Variants in NRIP3 observed in about 807,000 individuals in gnomAD.
NRIP3 encodes the protein nuclear receptor-interacting protein 3.
In NRIP3, 31 loss-of-function variants were observed where a neutral mutation model predicts 29.0. The ratio of observed to expected loss-of-function variants is 1.07; its 90% CI spans 0.80 to 1.44. The LOEUF is 1.44. Ranked by LOEUF, NRIP3 falls within the 40% of genes most tolerant of loss-of-function variation. The probability of loss-of-function intolerance (pLI) is 0.00; values close to 1 mark genes in which losing one functional copy is unlikely to be tolerated. For synonymous variants in NRIP3, 131 were observed against 118.3 expected (o/e 1.11, Z -0.70); for missense variants, 314 against 297.9 (o/e 1.05, Z -0.40).
Position 8,983,534 on chromosome 11 carries a change from G to A in NRIP3, c.*11C>T, listed in dbSNP as rs1430025869. The A allele has an allele frequency of 7.4e-6, 12 of 1,613,256 alleles. No individual in the cohort carries two copies. The highest frequency in any genetic ancestry group is 1.7e-5 in the Admixed American group (1 of 59,962). On this transcript the variant is annotated 3_prime_UTR_variant, in exon 7 of 7. Coordinates refer to ENST00000309166, the MANE Select transcript of NRIP3 (RefSeq NM_020645.3). The stretch of plus-strand genomic sequence containing the variant: ...ATGCATGCACACGTGCAGACATGCT[G>A]CAGGCTGTAGTTATGCTTCTGAAGT...
rs538945900 is a variant in NRIP3 at position 8,993,652 on chromosome 11, T to C, written c.175-5370A>G. On this transcript the variant is annotated intron_variant, in intron 1 of 6. Coordinates refer to ENST00000309166, the MANE Select transcript of NRIP3 (RefSeq NM_020645.3). ...GGTGAAATTCTGCCTCTACAAAAAATACAAAAATTAGCCAGGCATGGTAGT... is the reference window on the plus strand; with the variant it reads ...GGTGAAATTCTGCCTCTACAAAAAACACAAAAATTAGCCAGGCATGGTAGT... Among the ~76,000 whole-genome samples the C allele has an allele frequency of 5.9e-5, 9 of 151,624 alleles. No homozygotes were observed. The South Asian group carries it at 1.9e-3, about 32-fold the overall frequency.
Position 8,980,949 on chromosome 11 carries a change from A to G in NRIP3, c.*2596T>C, listed in dbSNP as rs563694407. 4 of 152,376 alleles carry G rather than the reference A, an allele frequency of 2.6e-5. No homozygotes were observed. The highest frequency in any genetic ancestry group is 4.4e-5 in the Non-Finnish European group (3 of 68,046). 9.4% of individuals were successfully genotyped at this position (152,376 alleles called of 1,614,324 possible). A position where few individuals can be genotyped will look rare whatever the true frequency, so the allele number is the denominator to read the frequency against. ...CTCTGTTATTTGAGATAGACATCTAATAAGGAATGAGACAGGTCTGGTGCT... is the reference window on the plus strand; with the variant it reads ...CTCTGTTATTTGAGATAGACATCTAGTAAGGAATGAGACAGGTCTGGTGCT... On this transcript the variant is annotated 3_prime_UTR_variant, in exon 7 of 7. Transcript: ENST00000309166.
chr11:8,991,113 AAC>A (rs1477326434), intron 1 of NRIP3, among the ~76,000 whole-genome samples: 1 of 152,154 alleles, frequency 6.6e-6, no homozygotes, highest in African/African-American at 2.4e-5. Context: ...CATTCTGGCT[AAC>A]ACAGTGAAAC....
intron 4 of NRIP3, 57 bp downstream of exon 4, chr11:8,985,654 G>T (rs1336222474): frequency 1.8e-5 from 29 of 1,575,242 alleles, no homozygotes; most frequent in Non-Finnish European, 2.3e-5. Flanking sequence ...GGTTTTGTTG[G>T]GGGTAGGGAG....
At chr11:8,996,336 C>T (rs1411437308) in intron 1 of NRIP3, among the ~76,000 whole-genome samples, 1 of 118,680 alleles carries the variant, frequency 8.4e-6, no homozygotes, top group East Asian at 3.0e-4. Flanking sequence ...GGCTGGAGTG[C>T]AGTGGCGCAA....
At position 8,988,300 on chromosome 11, in the gene NRIP3, A is replaced by C. The variant is rs1854549824; in HGVS notation, c.175-18T>G. On this transcript the variant is annotated intron_variant, in intron 1 of 6. Transcript: ENST00000309166. Reference sequence around the variant, plus strand: ...TGAGGTTGCTTGAGGGATAGAAAGCAGAGACTTCTTAGTGACAGGCCACAT... The same window carrying C: ...TGAGGTTGCTTGAGGGATAGAAAGCCGAGACTTCTTAGTGACAGGCCACAT... The C allele has an allele frequency of 6.2e-7, 1 of 1,609,228 alleles. No individual in the cohort carries two copies. The highest frequency in any genetic ancestry group is 1.1e-5 in the South Asian group (1 of 90,710).
intron 1 of NRIP3, among the ~76,000 whole-genome samples, chr11:9,001,461 C>T (rs1854795346): frequency 6.6e-6 from 1 of 152,136 alleles, no homozygotes; most frequent in Non-Finnish European, 1.5e-5. Flanking sequence ...AAGTCAATAA[C>T]AACTAATTTC....
intron 2 of NRIP3, 75 bp downstream of exon 2, chr11:8,988,043 C>G (rs1854543909): frequency 2.8e-6 from 4 of 1,426,846 alleles, no homozygotes; most frequent in Admixed American, 1.8e-5. Context: ...GACCCACACT[C>G]TATAAAGTCA....
chr11:8,990,220 C>A (rs541900775), intron 1 of NRIP3, among the ~76,000 whole-genome samples: 1 of 152,300 alleles, frequency 6.6e-6, no homozygotes, highest in Non-Finnish European at 1.5e-5. Context: ...TTTAATCACC[C>A]TCCTTATCTG....
chr11:8,996,275 CTTTTT>C (rs386373056), intron 1 of NRIP3, among the ~76,000 whole-genome samples: 158 of 82,954 alleles, frequency 1.9e-3, no homozygotes, highest in Non-Finnish European at 1.7e-3. Flanking sequence ...CCTTTTTTTC[CTTTTT>C]TTTTTTTTTT....
Position 9,003,904 on chromosome 11 carries a change from C to T in NRIP3, c.32G>A (p.Gly11Asp). Residue 11 changes from glycine (G) to aspartate (D), a missense_variant, in exon 1 of 7, where the codon GGC becomes GAC. Coordinates refer to ENST00000309166, the MANE Select transcript of NRIP3 (RefSeq NM_020645.3). MFYSGLLTEG[G>D]RKETDMREAA... ...CTCCCGCATGTCGGTCTCCTTGCGGCCGCCCTCAGTGAGGAGCCCTGAGTA... is the reference window on the plus strand; with the variant it reads ...CTCCCGCATGTCGGTCTCCTTGCGGTCGCCCTCAGTGAGGAGCCCTGAGTA... 3 of 1,521,144 alleles carry T rather than the reference C, an allele frequency of 2.0e-6. No individual in the cohort carries two copies. The East Asian group carries it at 8.2e-5, about 42-fold the overall frequency. The allele number at this position is 1,521,144 out of a possible 1,614,324, so 94.2% of individuals were successfully genotyped here. A position where few individuals can be genotyped will look rare whatever the true frequency, so the allele number is the denominator to read the frequency against.
intron 6 of NRIP3, 103 bp from the exon 7 acceptor site, chr11:8,983,663 ACT>A: frequency 9.2e-7 from 1 of 1,089,946 alleles, no homozygotes. Flanking sequence ...TTTCCCTACC[ACT>A]CTGTGTGGCA....
chr11:8,990,561 G>A (rs542126009), intron 1 of NRIP3, among the ~76,000 whole-genome samples: 3 of 152,156 alleles, frequency 2.0e-5, no homozygotes, highest in Non-Finnish European at 2.9e-5. Flanking sequence ...CGAGGCAGGC[G>A]GATCTCTTGA....
intron 1 of NRIP3, among the ~76,000 whole-genome samples, chr11:8,997,155 G>T (rs7394940): frequency 0.93 from 141,458 of 151,982 alleles, 66,634 homozygotes; most frequent in East Asian, 1. Flanking sequence ...GGCAGGTGGA[G>T]CACGAAGTCA....
chr11:8,990,553 A>C (rs567049948), intron 1 of NRIP3, among the ~76,000 whole-genome samples: 1 of 152,344 alleles, frequency 6.6e-6, no homozygotes, highest in South Asian at 2.1e-4. Context: ...TGGAAGGCCG[A>C]GGCAGGCGGA....
At chr11:9,002,035 A>C (rs949916431) in intron 1 of NRIP3, among the ~76,000 whole-genome samples, 4 of 152,248 alleles carry the variant, frequency 2.6e-5, no homozygotes, top group Non-Finnish European at 5.9e-5. Context: ...CAACTGAGAC[A>C]GACTAGAGTC....
chr11:8,994,437 C>T (rs1854665933), intron 1 of NRIP3, among the ~76,000 whole-genome samples: 1 of 152,186 alleles, frequency 6.6e-6, no homozygotes, highest in Non-Finnish European at 1.5e-5. Flanking sequence ...ATTTAGCCAA[C>T]TAACAGTGTC....
At chr11:8,986,849 T>G (rs948373146) in intron 3 of NRIP3, among the ~76,000 whole-genome samples, 1 of 152,010 alleles carries the variant, frequency 6.6e-6, no homozygotes, top group Admixed American at 6.5e-5. Context: ...CAAAACCCCC[T>G]CTCTACAAAA....
Position 8,985,714 on chromosome 11 carries a change from C to T in NRIP3, c.559G>A (p.Val187Ile). The change falls in exon 4 of 7, where the codon GTT (valine) becomes ATT (isoleucine). Residue 187 changes from valine to isoleucine, a missense_variant. Coordinates refer to ENST00000309166, the MANE Select transcript of NRIP3 (RefSeq NM_020645.3). ...SLRLDCPAAV[V>I]DDNEKNLSLG... ...TCCAGCCCTCAATTCTGCTTACCAA[C>T]CACAGCTGCTGGGCAGTCCAGGCGG... The T allele has an allele frequency of 1.2e-6, 2 of 1,613,710 alleles. No individual in the cohort carries two copies. Among genetic ancestry groups the T allele is most frequent in the Non-Finnish European group, 1.7e-6 (2 of 1,179,938 alleles).
Sources: allele counts gnomAD v4.1 joint callset (sites outside exome capture counted in the v4.1 genomes callset), GRCh38; gene constraint gnomAD v4.1.1; transcripts MANE v1.5; gene names NCBI Gene and HGNC (gene_info 2026-07-23, HGNC 2026-07-21).